The following MIPOL1 variants were observed in gnomAD, a reference collection of about 807,000 sequenced individuals.
MIPOL1 encodes mirror-image polydactyly gene 1 protein.
A neutral mutation model predicts 60.9 loss-of-function variants in MIPOL1; 57 were observed. The ratio of observed to expected loss-of-function variants is 0.94; its 90% CI spans 0.76 to 1.17. The LOEUF (loss-of-function observed/expected upper bound fraction) is 1.17, where lower values mean the gene tolerates loss of function less well. MIPOL1 is among the 50% of genes most tolerant of loss of function. The pLI is 0.00. For missense variants in MIPOL1, 551 were observed against 511.6 expected (o/e 1.08, Z -0.74); for synonymous variants, 179 against 168.8 (o/e 1.06, Z -0.47).
chr14:37,424,192 C>G (rs946103526), intron 11 of MIPOL1, among the ~76,000 whole-genome samples: 1 of 152,162 alleles, frequency 6.6e-6, no homozygotes, highest in Admixed American at 6.6e-5. Context: ...TTGAATTATG[C>G]CACCCAAAAA....
chr14:37,288,434 G>A (rs994031369), intron 7 of MIPOL1, among the ~76,000 whole-genome samples: 1 of 152,072 alleles, frequency 6.6e-6, no homozygotes, highest in African/African-American at 2.4e-5. Flanking sequence ...TAAGCTATAG[G>A]GTGTGGGTCA....
At chr14:37,328,291 A>AG (rs1282578752) in intron 9 of MIPOL1, among the ~76,000 whole-genome samples, 1 of 152,134 alleles carries the variant, frequency 6.6e-6, no homozygotes, top group African/African-American at 2.4e-5. Flanking sequence ...CTGGGATTAC[A>AG]GGCATAAGCC....
At chr14:37,317,541 C>G (rs1470287338) in intron 9 of MIPOL1, among the ~76,000 whole-genome samples, 1 of 152,050 alleles carries the variant, frequency 6.6e-6, no homozygotes, top group Non-Finnish European at 1.5e-5. Flanking sequence ...ATTCCAGACT[C>G]TCCCTCACTG....
chr14:37,546,864 CT>C (rs753865388), intron 12 of MIPOL1, 40 bp from the exon 13 acceptor site: 24 of 1,547,830 alleles, frequency 1.6e-5, no homozygotes, highest in Middle Eastern at 3.8e-4. Context: ...AATAATTGCC[CT>C]TTTTTTCCCC....
chr14:37,285,066 A>T (rs764139112), intron 6 of MIPOL1, among the ~76,000 whole-genome samples: 1 of 152,176 alleles, frequency 6.6e-6, no homozygotes, highest in Non-Finnish European at 1.5e-5. Flanking sequence ...TCTTTATTTC[A>T]CAGGCTTACA....
chr14:37,363,986 G>A (rs1426856551), intron 9 of MIPOL1, among the ~76,000 whole-genome samples: 1 of 152,160 alleles, frequency 6.6e-6, no homozygotes, highest in African/African-American at 2.4e-5. Flanking sequence ...TAAGACCATG[G>A]GAAAAGCACA....
At chr14:37,379,229 CA>C (rs1332971013) in intron 10 of MIPOL1, among the ~76,000 whole-genome samples, 1 of 151,982 alleles carries the variant, frequency 6.6e-6, no homozygotes, top group Non-Finnish European at 1.5e-5. Context: ...GCATTTTCAA[CA>C]AATGGTCTCA....
chr14:37,527,968 GA>G lies in MIPOL1; in HGVS notation c.1263-18928del, dbSNP rs555932990. Among the ~76,000 whole-genome samples, 63 of 150,236 alleles carry G rather than the reference GA, an allele frequency of 4.2e-4. 1 individual carries two copies. The South Asian group carries it at 8.8e-3, about 21-fold the overall frequency. On this transcript the variant is annotated intron_variant, in intron 12 of 12. Coordinates refer to ENST00000684589, the MANE Select transcript of MIPOL1 (RefSeq NM_001388067.1). ...AGCAAAAAATAAATGAGAATAGGAT[GA>G]AAAAAAAAGATTGCATTTTTTAACC...
intron 1 of MIPOL1, among the ~76,000 whole-genome samples, chr14:37,227,463 A>T (rs1281294759): frequency 1.3e-5 from 2 of 152,076 alleles, no homozygotes; most frequent in Admixed American, 1.3e-4. Flanking sequence ...TCCAAGGTCT[A>T]AAACATGAAG....
chr14:37,380,166 G>A (rs1292870628), intron 10 of MIPOL1, among the ~76,000 whole-genome samples: 1 of 152,058 alleles, frequency 6.6e-6, no homozygotes, highest in African/African-American at 2.4e-5. Context: ...GCAGTCAGTT[G>A]GAAAAGCGGA....
chr14:37,535,046 T>C (rs1036412850), intron 12 of MIPOL1, among the ~76,000 whole-genome samples: 5 of 152,172 alleles, frequency 3.3e-5, no homozygotes, highest in African/African-American at 1.2e-4. Context: ...ATTGCTTTAA[T>C]TATTCTCTAT....
intron 9 of MIPOL1, among the ~76,000 whole-genome samples, chr14:37,347,943 A>T (rs1197843626): frequency 1.3e-5 from 2 of 152,176 alleles, no homozygotes; most frequent in South Asian, 2.1e-4. Flanking sequence ...CATGGGGTAC[A>T]TGTGCAGGTT....
chr14:37,216,696 G>A (rs1594514815), intron 1 of MIPOL1, among the ~76,000 whole-genome samples: 2 of 152,254 alleles, frequency 1.3e-5, no homozygotes, highest in Middle Eastern at 3.4e-3. Context: ...GCTGGTCAAT[G>A]AAGAAATGAA....
At chr14:37,283,098 T>C (rs1180171634) in intron 6 of MIPOL1, among the ~76,000 whole-genome samples, 2 of 152,002 alleles carry the variant, frequency 1.3e-5, no homozygotes, top group Non-Finnish European at 1.5e-5. Flanking sequence ...GAGAGTCTCA[T>C]TCTGTTGTCC....
intron 1 of MIPOL1, among the ~76,000 whole-genome samples, chr14:37,217,924 A>G (rs538120933): frequency 1.3e-5 from 2 of 152,306 alleles, no homozygotes; most frequent in African/African-American, 2.4e-5. Flanking sequence ...TGCTCTTAGT[A>G]CTATGGATTT....
intron 10 of MIPOL1, among the ~76,000 whole-genome samples, chr14:37,393,073 A>C (rs892452870): frequency 3.9e-5 from 6 of 152,144 alleles, no homozygotes; most frequent in African/African-American, 1.4e-4. Flanking sequence ...GACACAGGAA[A>C]AAAAGCCATG....
intron 9 of MIPOL1, among the ~76,000 whole-genome samples, chr14:37,351,281 G>A (rs2091347187): frequency 6.9e-6 from 1 of 144,716 alleles, no homozygotes; most frequent in Non-Finnish European, 1.5e-5. Context: ...GTGTATATGT[G>A]CCACATTTTC....
chr14:37,344,555 C>T (rs959783014), intron 9 of MIPOL1, among the ~76,000 whole-genome samples: 4 of 152,006 alleles, frequency 2.6e-5, no homozygotes, highest in African/African-American at 9.7e-5. Context: ...AAGCACATGT[C>T]AAGTTGTGTT....
intron 7 of MIPOL1, among the ~76,000 whole-genome samples, chr14:37,286,719 AT>A (rs775032644): frequency 2.0e-5 from 3 of 151,854 alleles, no homozygotes; most frequent in East Asian, 3.9e-4. Context: ...TAATGGCTTC[AT>A]TTTTTTTGAA....
Sources: gnomAD v4.1 joint callset for allele counts (sites outside exome capture counted in the v4.1 genomes callset) on GRCh38, gnomAD v4.1.1 for gene constraint, MANE v1.5 for transcripts, NCBI Gene and HGNC (gene_info 2026-07-23, HGNC 2026-07-21) for gene names.